The following GNL3L variants were observed in gnomAD, a reference collection of about 807,000 sequenced individuals.
GNL3L encodes G protein nucleolar 3 like.
Under a neutral mutation model 42.9 loss-of-function variants are expected in GNL3L, and 4 were observed. The ratio of observed to expected loss-of-function variants is 0.09; its 90% CI spans 0.05 to 0.21. GNL3L has a LOEUF of 0.21. Among genes scored for constraint, GNL3L ranks in the 10% least tolerant of loss-of-function variants. The pLI is 1.00. For missense variants in GNL3L, 412 were observed against 481.7 expected, an observed-to-expected ratio of 0.86 and a Z score of 1.36; for synonymous variants, 159 against 176.3, an observed-to-expected ratio of 0.90 and a Z score of 0.78.
chrX:54,605,632 T>C (rs928988647), intron 16 of GNL3L, among the ~76,000 whole-genome samples: 6 of 111,772 alleles, frequency 5.4e-5, no homozygotes, highest in African/African-American at 2.0e-4. Context: ...TGAACCATTG[T>C]GTTGGGGTGA....
chrX:54,642,422 A>G, the GNL3L span, among the ~76,000 whole-genome samples: 1 of 111,564 alleles, frequency 9.0e-6, no homozygotes, highest in Non-Finnish European at 1.9e-5. Context: ...CCTTTCATTT[A>G]TTTCCTTTCA....
the GNL3L span, among the ~76,000 whole-genome samples, chrX:54,627,858 A>G: frequency 9.0e-6 from 1 of 111,226 alleles, no homozygotes; most frequent in Non-Finnish European, 1.9e-5. Context: ...TTATTTCAAT[A>G]GTTTTTGGGG....
At chrX:54,630,662 TTTCCTTCCTTCC>T in the GNL3L span, among the ~76,000 whole-genome samples, 1 of 53,367 alleles carries the variant, frequency 1.9e-5, no homozygotes, top group Non-Finnish European at 3.5e-5. Flanking sequence ...TTTCTCCTTC[TTTCCTTCCTTCC>T]TTCCTTCCTT....
At chrX:54,557,095 T>G (rs978040671) in intron 14 of GNL3L, among the ~76,000 whole-genome samples, 8 of 107,779 alleles carry the variant, frequency 7.4e-5, no homozygotes. Context: ...GGCAGGAGGA[T>G]TGCTTGAACC....
downstream of GNL3L, among the ~76,000 whole-genome samples, chrX:54,571,393 T>G (rs753809771): frequency 3.7e-5 from 4 of 109,111 alleles, no homozygotes; most frequent in East Asian, 1.2e-3. Flanking sequence ...GATGGGGTTT[T>G]ACCGTGTTAG....
downstream of GNL3L, among the ~76,000 whole-genome samples, chrX:54,624,438 C>CT (rs761943977): frequency 0.042 from 3,477 of 82,368 alleles, 90 homozygotes; most frequent in Non-Finnish European, 0.06. Flanking sequence ...TTTTCTTTTT[C>CT]TTTTTTTTTT....
intron 16 of GNL3L, among the ~76,000 whole-genome samples, chrX:54,599,632 T>G (rs1421564814): frequency 9.0e-6 from 1 of 111,388 alleles, no homozygotes; most frequent in East Asian, 2.8e-4. Flanking sequence ...TGAGTAGTGT[T>G]TTTTTAAGCT....
intron 16 of GNL3L, among the ~76,000 whole-genome samples, chrX:54,613,990 G>C (rs1926193409): frequency 9.0e-6 from 1 of 110,634 alleles, no homozygotes; most frequent in African/African-American, 3.3e-5. Flanking sequence ...AAACTCCCAA[G>C]ATTATATAAC....
downstream of GNL3L, among the ~76,000 whole-genome samples, chrX:54,571,204 T>G (rs1925538350): frequency 9.4e-6 from 1 of 106,921 alleles, no homozygotes; most frequent in South Asian, 4.1e-4. Flanking sequence ...ATTTTTTTTT[T>G]TTTTTTTGAG....
At chrX:54,584,773 A>G (rs149965593) in intron 16 of GNL3L, among the ~76,000 whole-genome samples, 1,245 of 112,475 alleles carry the variant, frequency 0.011, 14 homozygotes, top group African/African-American at 0.039. Flanking sequence ...ATTGTTTTTC[A>G]TAATGGCTTT....
At chrX:54,603,108 C>A (rs761280355) in intron 16 of GNL3L, among the ~76,000 whole-genome samples, 2 of 111,647 alleles carry the variant, frequency 1.8e-5, no homozygotes, top group Admixed American at 1.9e-4. Flanking sequence ...AGAAGGGACT[C>A]AAATAACTGT....
In GNL3L at chrX:54,575,498, G is replaced by A. The variant is rs188611524; in HGVS notation, c.*45+14851G>A. ...CTGTAATCCCAGCACTTTGGGAGGC[G>A]GAGGCGGGCAGATCACCTGAGGTCG... On this transcript the variant is annotated intron_variant, in intron 16 of 16. Coordinates refer to the GNL3L transcript ENST00000674498. 9.6e-3 allele frequency among the ~76,000 whole-genome samples: 1,069 copies of A among 111,348 alleles called. 6 individuals carry two copies. Among genetic ancestry groups the A allele is most frequent in the African/African-American group, 0.017 (532 of 30,699 alleles).
chrX:54,544,593 C>T (rs1214285697), intron 8 of GNL3L, among the ~76,000 whole-genome samples: 1 of 109,309 alleles, frequency 9.1e-6, no homozygotes, highest in African/African-American at 3.4e-5. Context: ...CCTCAGCCTC[C>T]AAAGTAGCTG....
At position 54,539,057 on chromosome X, in the gene GNL3L, G is replaced by T; in HGVS notation, c.37G>T (p.Glu13Ter). ...TTTTGTAGAAAATAAAAAGCCAGGT[G>T]AAGGTTCCAAGGGCCACAAGAAGAT... ...KLRHKNKKPGEGSKGHKKISW... is the reference protein window; with the variant it reads ...KLRHKNKKPG The change falls in exon 3 of 16, where the codon GAA becomes TAA. Residue 13 changes from glutamate (E) to a stop codon, truncating the protein, a stop_gained. Transcript: ENST00000360845. LOFTEE classifies it high-confidence loss of function. The T allele has an allele frequency of 8.7e-7, 1 of 1,155,352 alleles. No homozygotes were observed.
At chrX:54,541,596 C>T (rs1322864125) in intron 5 of GNL3L, among the ~76,000 whole-genome samples, 2 of 109,788 alleles carry the variant, frequency 1.8e-5, no homozygotes, top group Non-Finnish European at 3.8e-5. Flanking sequence ...TGACTGGACA[C>T]CTCTGGAGAG....
intron 8 of GNL3L, among the ~76,000 whole-genome samples, chrX:54,545,345 A>G (rs1232624831): frequency 4.6e-5 from 5 of 109,697 alleles, no homozygotes; most frequent in Non-Finnish European, 7.6e-5. Context: ...CAGCCTCTAG[A>G]GTAGCCAGGA....
chrX:54,598,984 G>A (rs892338016), intron 16 of GNL3L, among the ~76,000 whole-genome samples: 1 of 111,913 alleles, frequency 8.9e-6, no homozygotes, highest in Admixed American at 9.5e-5. Flanking sequence ...CAAAGTTAAT[G>A]ATAGGCACCA....
intron 14 of GNL3L, among the ~76,000 whole-genome samples, chrX:54,555,594 C>T (rs557951933): frequency 1.3e-4 from 14 of 107,366 alleles, no homozygotes; most frequent in Non-Finnish European, 2.3e-4. Flanking sequence ...CCTCAGCCTC[C>T]GGAGCAGCTG....
chrX:54,597,154 A>G (rs950645001), intron 16 of GNL3L, among the ~76,000 whole-genome samples: 2 of 111,527 alleles, frequency 1.8e-5, no homozygotes, highest in African/African-American at 3.3e-5. Flanking sequence ...CTGAGTCTCA[A>G]CTGAAGCCAG....
Sources: allele counts gnomAD v4.1 joint callset (sites outside exome capture counted in the v4.1 genomes callset), GRCh38; gene constraint gnomAD v4.1.1; transcripts MANE v1.5; gene names NCBI Gene and HGNC (gene_info 2026-07-23, HGNC 2026-07-21).